PTPRG: variants seen among roughly 807,000 people sequenced by gnomAD.
PTPRG encodes the protein receptor-type tyrosine-protein phosphatase gamma.
Under a neutral mutation model 165.3 loss-of-function variants are expected in PTPRG, and 102 were observed. The observed-to-expected ratio is 0.62, with a 90% CI of 0.53 to 0.73. The LOEUF (loss-of-function observed/expected upper bound fraction) is 0.73. Ranked by LOEUF, PTPRG falls within the 30% of genes least tolerant of loss-of-function variation. PTPRG has a pLI of 0.00. For missense variants in PTPRG, 1,866 were observed against 1,861.4 expected (o/e 1.00, Z -0.05); for synonymous variants, 675 against 669.5 (o/e 1.01, Z -0.13).
chr3:61,679,654 G>A (rs1331201473), intron 1 of PTPRG, among the ~76,000 whole-genome samples: 10 of 152,092 alleles, frequency 6.6e-5, no homozygotes, highest in Non-Finnish European at 1.5e-4. Flanking sequence ...GGTGGTGCAC[G>A]CCTGTAATCC....
At chr3:62,034,407 C>CTT (rs1399178340) in intron 4 of PTPRG, among the ~76,000 whole-genome samples, 1 of 152,182 alleles carries the variant, frequency 6.6e-6, no homozygotes, top group Non-Finnish European at 1.5e-5. Context: ...GGCTACCAGC[C>CTT]TTGGGTCACT....
chr3:62,225,492 T>G (rs958136419), intron 13 of PTPRG, among the ~76,000 whole-genome samples: 1 of 151,998 alleles, frequency 6.6e-6, no homozygotes, highest in Admixed American at 6.6e-5. Context: ...TGCTTAGAAT[T>G]GTATTACAAA....
chr3:62,231,676 A>G (rs1454493089), intron 14 of PTPRG, among the ~76,000 whole-genome samples: 1 of 152,228 alleles, frequency 6.6e-6, no homozygotes, highest in East Asian at 1.9e-4. Flanking sequence ...TTAAAAAAAC[A>G]TATAATGCAT....
chr3:62,215,307 T>C (rs1397022336), intron 12 of PTPRG, among the ~76,000 whole-genome samples: 3 of 152,196 alleles, frequency 2.0e-5, no homozygotes, highest in Non-Finnish European at 4.4e-5. Context: ...AAATCAACTT[T>C]ATCATGCCCC....
At chr3:61,808,699 G>C (rs185446252) in intron 2 of PTPRG, among the ~76,000 whole-genome samples, 92 of 152,196 alleles carry the variant, frequency 6.0e-4, no homozygotes, top group Non-Finnish European at 9.4e-4. Context: ...CCTTGGCCTA[G>C]ATAATACTGA....
At chr3:62,106,496 T>C (rs1702475534) in intron 5 of PTPRG, among the ~76,000 whole-genome samples, 1 of 137,474 alleles carries the variant, frequency 7.3e-6, no homozygotes, top group Non-Finnish European at 1.5e-5. Flanking sequence ...CTGCAAACTC[T>C]TAAAGGCTTT....
chr3:61,762,932 A>G (rs939950672), intron 2 of PTPRG, among the ~76,000 whole-genome samples: 4 of 152,234 alleles, frequency 2.6e-5, no homozygotes, highest in Admixed American at 1.3e-4. Context: ...TGTTCTTAAC[A>G]TGGCTTCCAG....
rs190490917 is a variant in PTPRG at position 62,237,535 on chromosome 3, G to T, written c.2375+6224G>T. On this transcript the variant is annotated intron_variant, in intron 14 of 29. Coordinates refer to ENST00000474889, the MANE Select transcript of PTPRG (RefSeq NM_002841.4). This position sits in a 1 kb window ranked among gnomAD's most constrained non-coding sequence, Gnocchi z 4.5. Reference sequence around the variant, plus strand: ...TACTGGCCGATGTGTTTCACATCCTGACTAAAAGATGTACTCTGCACGTTG... The same window carrying T: ...TACTGGCCGATGTGTTTCACATCCTTACTAAAAGATGTACTCTGCACGTTG... Among the ~76,000 whole-genome samples the T allele has an allele frequency of 2.0e-5, 3 of 152,268 alleles. No homozygotes were observed. The highest frequency in any genetic ancestry group is 4.4e-5 in the Non-Finnish European group (3 of 68,014).
chr3:62,115,163 A>G (rs1173637154), intron 5 of PTPRG, among the ~76,000 whole-genome samples: 5 of 152,154 alleles, frequency 3.3e-5, no homozygotes, highest in East Asian at 1.9e-4. Context: ...CTTGATCCAT[A>G]CCTGAGTGAC....
intron 7 of PTPRG, among the ~76,000 whole-genome samples, chr3:62,167,336 T>C (rs1021263654): frequency 6.6e-6 from 1 of 152,178 alleles, no homozygotes; most frequent in South Asian, 2.1e-4. Flanking sequence ...TTGCCAAACT[T>C]GATCACTAGT....
At chr3:61,898,914 G>T (rs941068113) in intron 2 of PTPRG, among the ~76,000 whole-genome samples, 1 of 152,122 alleles carries the variant, frequency 6.6e-6, no homozygotes. Flanking sequence ...TTATTTGTCT[G>T]TCTGTCTGTT....
At chr3:62,039,263 G>GT (rs1207742211) in intron 4 of PTPRG, among the ~76,000 whole-genome samples, 2 of 126,738 alleles carry the variant, frequency 1.6e-5, no homozygotes, top group South Asian at 2.7e-4. Context: ...TTTTGGTTTT[G>GT]TTTTTGTTTT....
At position 62,269,090 on chromosome 3, in the gene PTPRG, T is replaced by C. The variant is rs145097172; in HGVS notation, c.2930T>C (p.Ile977Thr). 24 of 1,608,700 alleles carry C rather than the reference T, an allele frequency of 1.5e-5. No individual in the cohort carries two copies. The highest frequency in any genetic ancestry group is 3.3e-4 in the Middle Eastern group (2 of 6,048). ...AACAGTGAGGAATATGGAAACATTA[T>C]TGTCACGCTGAAGAGCACAAAAATA... Reference protein sequence around the residue: ...TENSEEYGNIIVTLKSTKIHA... With the variant: ...TENSEEYGNITVTLKSTKIHA... Residue 977 changes from isoleucine to threonine, a missense_variant, in exon 20 of 30, where the codon ATT becomes ACT. Transcript: ENST00000474889.
At chr3:62,148,786 A>AAATT (rs1242025546) in intron 6 of PTPRG, among the ~76,000 whole-genome samples, 1 of 151,974 alleles carries the variant, frequency 6.6e-6, no homozygotes, top group East Asian at 1.9e-4. Context: ...ATAAATAAAT[A>AAATT]AATAGCTAAA....
Position 62,108,761 on chromosome 3 carries a change from A to G in PTPRG, c.616-23841A>G, listed in dbSNP as rs1383247131. On this transcript the variant is annotated intron_variant, in intron 5 of 29. Coordinates refer to ENST00000474889, the MANE Select transcript of PTPRG (RefSeq NM_002841.4). ...TCTAACTGGTGTGAGACGGTATCTC[A>G]TTGTGGTTTTGATTTGCATTTCTCT... Among the ~76,000 whole-genome samples, 4 of 152,030 alleles carry G rather than the reference A, an allele frequency of 2.6e-5. No individual in the cohort carries two copies. In the East Asian group the frequency reaches 7.7e-4, roughly 29 times the overall value.
intron 5 of PTPRG, among the ~76,000 whole-genome samples, chr3:62,092,814 A>T (rs1047988515): frequency 1.3e-5 from 2 of 152,188 alleles, no homozygotes; most frequent in African/African-American, 4.8e-5. Context: ...AAACAATAGC[A>T]TGTGCCTGTC....
chr3:61,830,953 G>C (rs1181674153), intron 2 of PTPRG, among the ~76,000 whole-genome samples: 1 of 152,164 alleles, frequency 6.6e-6, no homozygotes, highest in Non-Finnish European at 1.5e-5. Context: ...TTTTTACTTG[G>C]TGGCTTCCTT....
At chr3:61,808,117 C>G (rs142984650) in intron 2 of PTPRG, among the ~76,000 whole-genome samples, 1 of 152,302 alleles carries the variant, frequency 6.6e-6, no homozygotes, top group East Asian at 1.9e-4. Flanking sequence ...TTACTGAAAT[C>G]CAGAGAGTGG....
intron 1 of PTPRG, among the ~76,000 whole-genome samples, chr3:61,743,889 AG>A (rs1436798487): frequency 3.9e-5 from 6 of 152,192 alleles, no homozygotes; most frequent in Non-Finnish European, 7.3e-5. Context: ...GACATAAGCA[AG>A]TATGCAATTT....
Sources: allele counts gnomAD v4.1 joint callset (sites outside exome capture counted in the v4.1 genomes callset), GRCh38; gene constraint gnomAD v4.1.1; non-coding constraint Gnocchi (gnomAD v3.1); transcripts MANE v1.5; gene names NCBI Gene and HGNC (gene_info 2026-07-23, HGNC 2026-07-21).